PPP3CA: variants seen among roughly 807,000 people sequenced by gnomAD.
PPP3CA encodes the protein protein phosphatase 3 catalytic subunit alpha, also known as CAM-PRP catalytic subunit.
Under a neutral mutation model 66.5 loss-of-function variants are expected in PPP3CA, and 14 were observed. The observed-to-expected ratio is 0.21, with a 90% CI of 0.14 to 0.33. PPP3CA has a LOEUF of 0.33. Among genes scored for constraint, PPP3CA ranks in the 10% least tolerant of loss-of-function variants. The pLI, the probability that PPP3CA is intolerant of heterozygous loss-of-function variation, is 1.00. For synonymous variants in PPP3CA, 232 were observed against 226.2 expected, an observed-to-expected ratio of 1.03 and a Z score of -0.23; for missense variants, 317 against 639.5, an observed-to-expected ratio of 0.50 and a Z score of 5.44.
chr4:101,300,870 C>A (rs1474394319), intron 1 of PPP3CA, among the ~76,000 whole-genome samples: 2 of 152,072 alleles, frequency 1.3e-5, no homozygotes, highest in African/African-American at 2.4e-5. Flanking sequence ...ATAATAATAT[C>A]TCTGAATAAT....
At chr4:101,101,634 G>GTT (rs537167333) in intron 3 of PPP3CA, among the ~76,000 whole-genome samples, 1 of 149,566 alleles carries the variant, frequency 6.7e-6, no homozygotes, top group African/African-American at 2.4e-5. Context: ...CTTTTTTAAA[G>GTT]TTTTTTTTTT....
At chr4:101,210,135 C>T (rs1560660144) in intron 1 of PPP3CA, among the ~76,000 whole-genome samples, 1 of 152,106 alleles carries the variant, frequency 6.6e-6, no homozygotes, top group Non-Finnish European at 1.5e-5. Flanking sequence ...CTTTCCTCAC[C>T]ATTACCATAG....
intron 8 of PPP3CA, among the ~76,000 whole-genome samples, chr4:101,077,335 G>GTAACTC (rs1026149510): frequency 1.4e-4 from 22 of 152,154 alleles, no homozygotes; most frequent in African/African-American, 4.8e-4. Context: ...AAATCATACT[G>GTAACTC]TAACTAACAG....
intron 1 of PPP3CA, among the ~76,000 whole-genome samples, chr4:101,248,610 A>G (rs563404951): frequency 1.9e-4 from 29 of 152,330 alleles, no homozygotes; most frequent in African/African-American, 6.3e-4. Context: ...GAAATATAAA[A>G]TCAACTCAAT....
intron 8 of PPP3CA, among the ~76,000 whole-genome samples, chr4:101,077,963 T>C (rs1333652797): frequency 3.3e-5 from 5 of 152,110 alleles, no homozygotes; most frequent in South Asian, 2.1e-4. Flanking sequence ...TGAAAGAGTC[T>C]AGGTTTGTTT....
intron 1 of PPP3CA, among the ~76,000 whole-genome samples, chr4:101,262,002 T>G (rs1021904331): frequency 6.6e-6 from 1 of 152,118 alleles, no homozygotes; most frequent in Non-Finnish European, 1.5e-5. Context: ...TTAACCTTCC[T>G]ATACAATAAC....
intron 6 of PPP3CA, among the ~76,000 whole-genome samples, chr4:101,091,871 G>GAGGAGGAGGAGGAGGAGGA (rs1729963808): frequency 7.1e-6 from 1 of 140,124 alleles, no homozygotes; most frequent in Admixed American, 6.9e-5. Context: ...TAATGAAGAA[G>GAGGAGGAGGAGGAGGAGGA]AGGAGGAGGA....
chr4:101,336,107 T>C (rs1438279815), intron 1 of PPP3CA, among the ~76,000 whole-genome samples: 2 of 144,030 alleles, frequency 1.4e-5, no homozygotes, highest in Admixed American at 6.8e-5. Flanking sequence ...CCCAGCTACT[T>C]GGGAGGCTGA....
chr4:101,285,354 T>A (rs1727805884), intron 1 of PPP3CA, among the ~76,000 whole-genome samples: 1 of 152,028 alleles, frequency 6.6e-6, no homozygotes, highest in Non-Finnish European at 1.5e-5. Flanking sequence ...AAATTGCTTA[T>A]ACTTTCCCTG....
chr4:101,126,160 A>C (rs889265406), intron 2 of PPP3CA, among the ~76,000 whole-genome samples: 19 of 152,220 alleles, frequency 1.2e-4, no homozygotes, highest in African/African-American at 4.3e-4. Flanking sequence ...CAATGTAAAA[A>C]TTGTGAATGC....
At chr4:101,249,181 C>CA (rs1726592864) in intron 1 of PPP3CA, among the ~76,000 whole-genome samples, 1 of 148,686 alleles carries the variant, frequency 6.7e-6, no homozygotes, top group African/African-American at 2.5e-5. Context: ...AAAAAAAAAC[C>CA]AAAAAACAAA....
chr4:101,082,261 C>T (rs1015131539), intron 7 of PPP3CA, among the ~76,000 whole-genome samples: 1 of 152,206 alleles, frequency 6.6e-6, no homozygotes, highest in Non-Finnish European at 1.5e-5. Flanking sequence ...CCGTTCACAC[C>T]TGTTGACTGA....
intron 1 of PPP3CA, among the ~76,000 whole-genome samples, chr4:101,260,570 A>G (rs1270981659): frequency 6.6e-6 from 1 of 152,134 alleles, no homozygotes; most frequent in Non-Finnish European, 1.5e-5. Context: ...ATCCTTCATC[A>G]AAAAATGCAA....
chr4:101,304,546 C>G (rs1025682395), intron 1 of PPP3CA, among the ~76,000 whole-genome samples: 1 of 152,032 alleles, frequency 6.6e-6, no homozygotes, highest in African/African-American at 2.4e-5. Flanking sequence ...AAAATAAATG[C>G]AATAAAAATC....
At chr4:101,118,524 A>G (rs975427211) in intron 2 of PPP3CA, among the ~76,000 whole-genome samples, 1 of 151,380 alleles carries the variant, frequency 6.6e-6, no homozygotes, top group African/African-American at 2.4e-5. Context: ...CTTCACTCAG[A>G]TTTTTTTTGG....
chr4:101,270,265 C>G (rs4413408), intron 1 of PPP3CA, among the ~76,000 whole-genome samples: 99,143 of 151,836 alleles, frequency 0.65, 33,478 homozygotes, highest in Non-Finnish European at 0.75. Context: ...TGTGTGCATA[C>G]CACCTTCACA....
chr4:101,238,081 GT>G (rs1409633883), intron 1 of PPP3CA, among the ~76,000 whole-genome samples: 1 of 151,938 alleles, frequency 6.6e-6, no homozygotes, highest in East Asian at 1.9e-4. Flanking sequence ...CTTACATTCT[GT>G]TTCTCGGCAA....
At chr4:101,107,561 T>C (rs1255884155) in intron 3 of PPP3CA, among the ~76,000 whole-genome samples, 1 of 152,260 alleles carries the variant, frequency 6.6e-6, no homozygotes, top group African/African-American at 2.4e-5. Flanking sequence ...CAGGAATAAT[T>C]AAGAAATCTG....
chr4:101,259,976 T>C (rs1359844114), intron 1 of PPP3CA, among the ~76,000 whole-genome samples: 4 of 152,174 alleles, frequency 2.6e-5, no homozygotes. Context: ...CTGACCAATG[T>C]TAATAGTAAT....
Sources: allele counts gnomAD v4.1 joint callset (sites outside exome capture counted in the v4.1 genomes callset), GRCh38; gene constraint gnomAD v4.1.1; transcripts MANE v1.5; gene names NCBI Gene and HGNC (gene_info 2026-07-23, HGNC 2026-07-21).